The following DSCAM variants were observed in gnomAD, a reference collection of about 807,000 sequenced individuals.
DSCAM encodes cell adhesion molecule DSCAM.
Under a neutral mutation model 217.7 loss-of-function variants are expected in DSCAM, and 47 were observed. The ratio of observed to expected loss-of-function variants is 0.22; its 90% CI spans 0.17 to 0.28. The LOEUF (loss-of-function observed/expected upper bound fraction) is 0.28. Ranked by LOEUF, DSCAM falls within the 10% of genes least tolerant of loss-of-function variation. The probability of loss-of-function intolerance (pLI) is 1.00; values close to 1 mark genes in which losing one functional copy is unlikely to be tolerated. For missense variants in DSCAM, 2,080 were observed against 2,618.3 expected (o/e 0.79, Z 4.49); for synonymous variants, 1,056 against 1,015.3 (o/e 1.04, Z -0.76).
At chr21:40,650,033 C>T (rs1012690001) in intron 3 of DSCAM, among the ~76,000 whole-genome samples, 4 of 152,106 alleles carry the variant, frequency 2.6e-5, no homozygotes, top group African/African-American at 7.2e-5. Context: ...TGACCGACAA[C>T]AAAGCTTATT....
At chr21:40,348,696 A>T (rs561366688) in intron 5 of DSCAM, among the ~76,000 whole-genome samples, 4 of 152,246 alleles carry the variant, frequency 2.6e-5, no homozygotes, top group Non-Finnish European at 5.9e-5. Flanking sequence ...CGTATCAGCC[A>T]CATTATTTCA....
chr21:40,341,372 C>T (rs780039306), intron 6 of DSCAM, among the ~76,000 whole-genome samples: 1 of 152,084 alleles, frequency 6.6e-6, no homozygotes, highest in Non-Finnish European at 1.5e-5. Flanking sequence ...CTGTAGATTT[C>T]TTTTCACTGG....
intron 14 of DSCAM, among the ~76,000 whole-genome samples, chr21:40,184,618 A>G (rs1382645905): frequency 1.3e-5 from 2 of 152,224 alleles, no homozygotes; most frequent in East Asian, 3.8e-4. Context: ...TTGGTTATAT[A>G]AACCATGATC....
intron 3 of DSCAM, among the ~76,000 whole-genome samples, chr21:40,397,809 T>A (rs1459604067): frequency 1.3e-5 from 2 of 152,016 alleles, no homozygotes; most frequent in African/African-American, 4.8e-5. Context: ...TTACCAATAC[T>A]GCTACCACCC....
chr21:40,496,990 A>G (rs1021690153), intron 3 of DSCAM, among the ~76,000 whole-genome samples: 10 of 152,202 alleles, frequency 6.6e-5, no homozygotes, highest in African/African-American at 9.6e-5. Flanking sequence ...ACAAAAGATA[A>G]TAAGTATTGG....
intron 15 of DSCAM, among the ~76,000 whole-genome samples, chr21:40,173,709 A>C (rs1358994684): frequency 6.6e-6 from 1 of 152,068 alleles, no homozygotes; most frequent in African/African-American, 2.4e-5. Context: ...ACCCCAGCTC[A>C]GCACATAGGA....
intron 3 of DSCAM, among the ~76,000 whole-genome samples, chr21:40,663,079 G>A (rs141863677): frequency 2.6e-5 from 4 of 150,970 alleles, no homozygotes; most frequent in Non-Finnish European, 5.9e-5. Context: ...GTGTATGCCA[G>A]TATGTGTAGT....
intron 6 of DSCAM, among the ~76,000 whole-genome samples, chr21:40,341,101 T>TG (rs1168846318): frequency 6.6e-6 from 1 of 152,200 alleles, no homozygotes; most frequent in Non-Finnish European, 1.5e-5. Context: ...CATATTGCAG[T>TG]GTCCTTGGGT....
At chr21:40,804,685 GTC>G in intron 1 of DSCAM, among the ~76,000 whole-genome samples, 2 of 152,264 alleles carry the variant, frequency 1.3e-5, no homozygotes, top group Middle Eastern at 3.4e-3. Context: ...TCAGTCATCT[GTC>G]TCTGCACAAT....
rs369481071 is a variant in DSCAM, at chr21:40,347,717, C to T, written c.1163G>A (p.Arg388His). ...GTCTTGAGCGGACAGCTTGTCCTTG[C>T]GCACAAAGCACTGGTATGCGCCCCC... is the stretch of plus-strand genomic sequence containing the variant. ...SDGGAYQCFV[R>H]KDKLSAQDYV... The change falls in exon 6 of 33, where the codon CGC (arginine) becomes CAC (histidine). Residue 388 changes from arginine to histidine, a missense_variant. Arg to His is a conservative substitution (Grantham distance 29). Coordinates refer to ENST00000400454, the MANE Select transcript of DSCAM (RefSeq NM_001389.5). 70 of 1,614,056 alleles carry T rather than the reference C, an allele frequency of 4.3e-5. No individual in the cohort carries two copies. Among genetic ancestry groups the T allele is most frequent in the South Asian group, 2.5e-4 (23 of 91,094 alleles).
chr21:40,705,499 AT>A (rs1307268849), intron 2 of DSCAM, among the ~76,000 whole-genome samples: 2 of 152,184 alleles, frequency 1.3e-5, no homozygotes, highest in South Asian at 4.1e-4. Context: ...AAGAGGTTTA[AT>A]TAACTCACAG....
At chr21:40,287,735 G>A (rs998527132) in intron 10 of DSCAM, among the ~76,000 whole-genome samples, 2 of 152,156 alleles carry the variant, frequency 1.3e-5, no homozygotes, top group African/African-American at 4.8e-5. Context: ...GCAGAAGAGG[G>A]TGCTTTTAGG....
At chr21:40,065,759 T>C (rs577868531) in intron 27 of DSCAM, among the ~76,000 whole-genome samples, 167 of 152,272 alleles carry the variant, frequency 1.1e-3, no homozygotes, top group African/African-American at 3.8e-3. Flanking sequence ...TTAGTCAGCA[T>C]CCTTACTGCT....
intron 32 of DSCAM, 59 bp from the exon 33 acceptor site, chr21:40,013,445 G>A: frequency 7.6e-7 from 1 of 1,318,252 alleles, no homozygotes; most frequent in Non-Finnish European, 1.0e-6. Context: ...TGGGCAGAAT[G>A]TCCTGTGTGC....
chr21:40,425,523 AT>A (rs1254695621), intron 3 of DSCAM, among the ~76,000 whole-genome samples: 2 of 147,640 alleles, frequency 1.4e-5, no homozygotes, highest in African/African-American at 5.1e-5. Flanking sequence ...ATAAATAAGA[AT>A]TTTTTTACCC....
chr21:40,588,312 CCTAATATATACTGTCATAT>C (rs2076961075), intron 3 of DSCAM, among the ~76,000 whole-genome samples: 1 of 152,086 alleles, frequency 6.6e-6, no homozygotes, highest in African/African-American at 2.4e-5. Context: ...TTTGCACCAA[CCTAATATATACTGTCATAT>C]ATTCAGGAAA....
chr21:40,682,613 A>AAGAC (rs2090415890), intron 3 of DSCAM, among the ~76,000 whole-genome samples: 1 of 18,148 alleles, frequency 5.5e-5, no homozygotes, highest in Non-Finnish European at 1.3e-4. Flanking sequence ...GAAAGAAAGA[A>AAGAC]AGAGAAAGAG....
At chr21:40,462,204 C>T (rs1197325929) in intron 3 of DSCAM, among the ~76,000 whole-genome samples, 6 of 152,182 alleles carry the variant, frequency 3.9e-5, no homozygotes, top group Non-Finnish European at 8.8e-5. Context: ...AGATCCCAGC[C>T]ATACCACCCA....
chr21:40,358,569 G>A (rs2074721475), intron 4 of DSCAM, among the ~76,000 whole-genome samples: 1 of 152,106 alleles, frequency 6.6e-6, no homozygotes, highest in Admixed American at 6.5e-5. Flanking sequence ...CACTCTGGGA[G>A]GCCGAGGCAG....
Sources: allele counts gnomAD v4.1 joint callset (sites outside exome capture counted in the v4.1 genomes callset), GRCh38; gene constraint gnomAD v4.1.1; transcripts MANE v1.5; gene names NCBI Gene and HGNC (gene_info 2026-07-23, HGNC 2026-07-21).